The following SNRPN variants were observed in gnomAD, a reference collection of about 807,000 sequenced individuals.
The protein encoded by SNRPN is small nuclear ribonucleoprotein polypeptide N.
SNRPN carries 7 observed loss-of-function variants against 25.2 expected under a neutral mutation model. The ratio of observed to expected loss-of-function variants is 0.28; its 90% CI spans 0.16 to 0.52. SNRPN has a LOEUF of 0.52. Among genes scored for constraint, SNRPN ranks in the 20% least tolerant of loss-of-function variants. The pLI is 0.96. For missense variants in SNRPN, 196 were observed against 322.5 expected (o/e 0.61, Z 3.00); for synonymous variants, 124 against 110.6 (o/e 1.12, Z -0.76).
rs1233476268 is a variant in SNRPN, at chr15:24,918,394, GTATA to G, written c.-504-1610_-504-1607del. Among the ~76,000 whole-genome samples, 6 of 86,432 alleles carry G rather than the reference GTATA, an allele frequency of 6.9e-5. 1 individual carries two copies. Among genetic ancestry groups the G allele is most frequent in the African/African-American group, 2.7e-4 (6 of 22,282 alleles). The allele number at this position is 86,432 out of a possible 152,430, so 56.7% of individuals were successfully genotyped here. ...TATATATATAACATAATATATATGT[GTATA>G]TATATAACATAATATATATGTGTAT... On this transcript the variant is annotated intron_variant, in intron 2 of 11. Transcript: ENST00000400097.
At chr15:24,896,095 T>C (rs775412811) in intron 2 of SNRPN, among the ~76,000 whole-genome samples, 2 of 152,204 alleles carry the variant, frequency 1.3e-5, no homozygotes, top group Non-Finnish European at 2.9e-5. Context: ...TCTTTCTAGG[T>C]ATATCCTTAG....
chr15:24,910,474 C>CA lies in SNRPN; in HGVS notation c.-504-9528dup, dbSNP rs918231705. The stretch of plus-strand genomic sequence containing the variant: ...TGGGCAACAGAGTGAGATCCCATCT[C>CA]AAAAAAAAATGCTAATTATTATTAT... On this transcript the variant is annotated intron_variant, in intron 2 of 11. Transcript: ENST00000400097. 2.6e-3 allele frequency among the ~76,000 whole-genome samples: 389 copies of CA among 149,770 alleles called. 1 individual carries two copies. Among genetic ancestry groups the CA allele is most frequent in the African/African-American group, 9.1e-3 (372 of 40,872 alleles).
chr15:24,973,404 T>C (rs1265349686), intron 3 of SNRPN, among the ~76,000 whole-genome samples: 1 of 152,062 alleles, frequency 6.6e-6, no homozygotes, highest in Admixed American at 6.5e-5. Context: ...TTATTTATTT[T>C]GAGATGAAGT....
rs2051036245 is a variant in SNRPN, at chr15:24,835,134, AT to A, written c.-579+5230del. 6.5e-5 allele frequency among the ~76,000 whole-genome samples: 4 copies of A among 61,922 alleles called. 2 individuals carry two copies. Among genetic ancestry groups the A allele is most frequent in the Non-Finnish European group, 1.3e-4 (4 of 30,180 alleles). 40.6% of individuals were successfully genotyped at this position (61,922 alleles called of 152,430 possible). A position where few individuals can be genotyped will look rare whatever the true frequency, so the allele number is the denominator to read the frequency against. ...ATATATCTATATATAAAATATATAGATATATATACTATATATAAAATATATA... is the reference window on the plus strand; with the variant it reads ...ATATATCTATATATAAAATATATAGAATATATACTATATATAAAATATATA... On this transcript the variant is annotated intron_variant, in intron 2 of 12. Transcript: ENST00000400100.
chr15:24,904,674 A>G (rs2058684732), intron 2 of SNRPN, among the ~76,000 whole-genome samples: 1 of 124,202 alleles, frequency 8.1e-6, no homozygotes, highest in Non-Finnish European at 1.8e-5. Context: ...AAAAGAAAAG[A>G]AAAGAAAGAA....
intron 2 of SNRPN, among the ~76,000 whole-genome samples, chr15:24,830,337 G>C (rs1351973562): frequency 6.6e-6 from 1 of 151,992 alleles, no homozygotes; most frequent in Non-Finnish European, 1.5e-5. Flanking sequence ...GTCCTGTTGG[G>C]ACTGTTATGC....
At chr15:24,930,780 G>T (rs1003735626) in intron 3 of SNRPN, among the ~76,000 whole-genome samples, 1 of 151,634 alleles carries the variant, frequency 6.6e-6, no homozygotes. Flanking sequence ...GCATCTGTAA[G>T]CCCAGCTACT....
intron 2 of SNRPN, among the ~76,000 whole-genome samples, chr15:24,847,077 A>C (rs2052269513): frequency 6.6e-6 from 1 of 152,212 alleles, no homozygotes; most frequent in Admixed American, 6.5e-5. Flanking sequence ...TGCGAAAGAT[A>C]CAAAGTCAGA....
chr15:24,844,699 AC>A (rs1165316497), intron 2 of SNRPN, among the ~76,000 whole-genome samples: 1 of 151,842 alleles, frequency 6.6e-6, no homozygotes, highest in African/African-American at 2.4e-5. Context: ...TAATTTTTGT[AC>A]TTTTGTAGAG....
intron 1 of SNRPN, among the ~76,000 whole-genome samples, chr15:24,866,160 T>A (rs2054550214): frequency 6.6e-6 from 1 of 152,150 alleles, no homozygotes; most frequent in Non-Finnish European, 1.5e-5. Flanking sequence ...TTTTCTGAAA[T>A]TAATATAGCT....
chr15:24,902,749 C>T (rs762306615), intron 2 of SNRPN, among the ~76,000 whole-genome samples: 9 of 152,132 alleles, frequency 5.9e-5, no homozygotes, highest in East Asian at 3.9e-4. Flanking sequence ...TTCATGGTCT[C>T]GCCGGCTTCA....
At chr15:24,905,261 A>C (rs1314516438) in intron 2 of SNRPN, among the ~76,000 whole-genome samples, 1 of 152,136 alleles carries the variant, frequency 6.6e-6, no homozygotes, top group Non-Finnish European at 1.5e-5. Context: ...CTGTAAACCC[A>C]GCACTTTGGG....
In SNRPN at chr15:24,976,410, C is replaced by A. The variant is rs200650114; in HGVS notation, c.261C>A (p.Pro87=). 58 of 1,604,564 alleles carry A rather than the reference C, an allele frequency of 3.6e-5. No individual in the cohort carries two copies. The Admixed American group carries it at 9.3e-4, about 26-fold the overall frequency. The change falls in exon 6 of 10, where the codon CCC becomes CCA. Residue 87 remains proline (P), a synonymous_variant. Coordinates refer to ENST00000390687, the MANE Select transcript of SNRPN (RefSeq NM_003097.6). ...LVSMTVEGPP[P]KDTGIARVPL... Reference sequence around the variant, plus strand: ...CCATGACTGTGGAGGGGCCACCCCCCAAAGATGTAAGGAAGATGTAGGGCA... The same window carrying A: ...CCATGACTGTGGAGGGGCCACCCCCAAAAGATGTAAGGAAGATGTAGGGCA...
At chr15:24,889,753 G>C (rs763730180) in intron 2 of SNRPN, among the ~76,000 whole-genome samples, 12 of 151,522 alleles carry the variant, frequency 7.9e-5, no homozygotes, top group Admixed American at 1.3e-4. Context: ...CAGGGGGTCA[G>C]AATAGGATAC....
chr15:24,930,168 A>C (rs555756191), intron 3 of SNRPN, among the ~76,000 whole-genome samples: 14 of 150,304 alleles, frequency 9.3e-5, no homozygotes, highest in Middle Eastern at 6.8e-3. Context: ...AAAAATAATA[A>C]ATTTTTTTCT....
At chr15:24,833,131 AG>A (rs1422116968) in intron 2 of SNRPN, among the ~76,000 whole-genome samples, 17 of 139,050 alleles carry the variant, frequency 1.2e-4, no homozygotes, top group African/African-American at 3.9e-4. Flanking sequence ...AAAAAAAAAA[AG>A]ATGATGGAAA....
chr15:24,938,086 T>C (rs1203697260), intron 3 of SNRPN, among the ~76,000 whole-genome samples: 1 of 151,856 alleles, frequency 6.6e-6, no homozygotes, highest in Non-Finnish European at 1.5e-5. Context: ...GGTGTGCAGA[T>C]ACCTCTTTGA....
chr15:24,827,710 T>C (rs1016075670), intron 1 of SNRPN, among the ~76,000 whole-genome samples: 3 of 149,856 alleles, frequency 2.0e-5, no homozygotes, highest in Non-Finnish European at 3.0e-5. Context: ...CTACTAAAAA[T>C]ACAAAAATTA....
intron 3 of SNRPN, among the ~76,000 whole-genome samples, chr15:24,970,963 C>CTGT (rs2076324550): frequency 1.3e-5 from 2 of 152,048 alleles, no homozygotes. Flanking sequence ...TGGAGACCCT[C>CTGT]TATAATTTTA....
Sources: gnomAD v4.1 joint callset for allele counts (sites outside exome capture counted in the v4.1 genomes callset) on GRCh38, gnomAD v4.1.1 for gene constraint, MANE v1.5 for transcripts, NCBI Gene and HGNC (gene_info 2026-07-23, HGNC 2026-07-21) for gene names.